GRIK4: variants seen among roughly 807,000 people sequenced by gnomAD.
GRIK4 encodes the protein glutamate receptor ionotropic, kainate 4.
In GRIK4, 40 loss-of-function variants were observed where a neutral mutation model predicts 104.9. The observed-to-expected ratio is 0.38, with a 90% confidence interval of 0.30 to 0.50. The LOEUF (loss-of-function observed/expected upper bound fraction) is 0.50. Among genes scored for constraint, GRIK4 ranks in the 20% least tolerant of loss-of-function variants. The pLI is 0.93. For synonymous variants in GRIK4, 485 were observed against 524.9 expected, an observed-to-expected ratio of 0.92 and a Z score of 1.04; for missense variants, 1,047 against 1,308.1, an observed-to-expected ratio of 0.80 and a Z score of 3.08.
At chr11:120,639,519 T>C (rs1949443654) in intron 1 of GRIK4, among the ~76,000 whole-genome samples, 1 of 152,222 alleles carries the variant, frequency 6.6e-6, no homozygotes, top group Non-Finnish European at 1.5e-5. Flanking sequence ...GTCTCTCCTC[T>C]TGGGGTCGGC....
intron 3 of GRIK4, among the ~76,000 whole-genome samples, chr11:120,683,279 G>C (rs571951043): frequency 1.3e-5 from 2 of 152,300 alleles, no homozygotes; most frequent in Non-Finnish European, 2.9e-5. Context: ...TTTTGAAGTT[G>C]AACTGACTAG....
At chr11:120,779,721 G>A (rs1242637005) in intron 3 of GRIK4, among the ~76,000 whole-genome samples, 1 of 152,148 alleles carries the variant, frequency 6.6e-6, no homozygotes, top group East Asian at 1.9e-4. Context: ...TAAATCATGA[G>A]GCAGGAATCT....
At chr11:120,611,920 T>C (rs1032244422) in intron 1 of GRIK4, among the ~76,000 whole-genome samples, 6 of 152,200 alleles carry the variant, frequency 3.9e-5, no homozygotes, top group African/African-American at 1.4e-4. Flanking sequence ...CTGAGTTCTT[T>C]TGTGCAGTGC....
chr11:120,602,712 T>C (rs1478308178), intron 1 of GRIK4, among the ~76,000 whole-genome samples: 5 of 152,198 alleles, frequency 3.3e-5, no homozygotes, highest in South Asian at 2.1e-4. Context: ...CTTCTTCTTA[T>C]TAGCATTTGA....
At position 120,961,048 on chromosome 11, in the gene GRIK4, G is replaced by T; in HGVS notation, c.2014G>T (p.Gly672Ter). 6.2e-7 allele frequency: 1 copy of T among 1,614,082 alleles called. No homozygotes were observed. The highest frequency in any genetic ancestry group is 1.1e-5 in the South Asian group (1 of 91,060). ...QTAIEYGTIHGGSSMTFFQNS... is the reference protein window; with the variant it reads ...QTAIEYGTIH ...CGCCATTGAATATGGCACAATTCAC[G>T]GAGGCTCCAGCATGACCTTCTTCCA... Residue 672 changes from glycine to a stop codon, truncating the protein, a stop_gained, in exon 17 of 21, where the codon GGA (glycine) becomes TGA (stop). Transcript: ENST00000527524. LOFTEE classifies it high-confidence loss of function.
intron 3 of GRIK4, among the ~76,000 whole-genome samples, chr11:120,670,866 C>G (rs1950005331): frequency 6.6e-6 from 1 of 152,152 alleles, no homozygotes; most frequent in Non-Finnish European, 1.5e-5. Flanking sequence ...GTCCCCCACC[C>G]CTCGACAGGC....
chr11:120,749,242 G>T (rs1220959126), intron 3 of GRIK4, among the ~76,000 whole-genome samples: 1 of 151,980 alleles, frequency 6.6e-6, no homozygotes, highest in Non-Finnish European at 1.5e-5. Flanking sequence ...GATCTAACTG[G>T]GAAAAGACAC....
intron 5 of GRIK4, among the ~76,000 whole-genome samples, chr11:120,817,675 G>A (rs935848355): frequency 3.3e-5 from 5 of 152,174 alleles, no homozygotes; most frequent in African/African-American, 1.2e-4. Flanking sequence ...TGCACATTGA[G>A]TATAGATCGA....
At chr11:120,712,958 G>A (rs1950764759) in intron 3 of GRIK4, among the ~76,000 whole-genome samples, 1 of 152,150 alleles carries the variant, frequency 6.6e-6, no homozygotes, top group Non-Finnish European at 1.5e-5. Context: ...CCTTTTGAAA[G>A]GAATGACAAT....
chr11:120,858,647 A>G (rs890785416), intron 8 of GRIK4, among the ~76,000 whole-genome samples: 5 of 152,112 alleles, frequency 3.3e-5, no homozygotes, highest in African/African-American at 1.2e-4. Flanking sequence ...TGAGCATGGA[A>G]CCTTGTCTTC....
At chr11:120,825,288 T>C (rs1953228688) in intron 6 of GRIK4, among the ~76,000 whole-genome samples, 1 of 152,202 alleles carries the variant, frequency 6.6e-6, no homozygotes, top group South Asian at 2.1e-4. Context: ...CATCTTCTGC[T>C]ACTTATTTTC....
intron 1 of GRIK4, among the ~76,000 whole-genome samples, chr11:120,610,064 C>T (rs1447830973): frequency 2.0e-5 from 3 of 152,166 alleles, no homozygotes; most frequent in Admixed American, 6.5e-5. Context: ...CTCCTTCCCT[C>T]CCCATCTGCC....
intron 1 of GRIK4, chr11:120,515,009 C>A (rs1947707535): frequency 2.2e-6 from 1 of 456,588 alleles, no homozygotes; most frequent in Admixed American, 2.3e-5. Flanking sequence ...CACAGGGGAC[C>A]CTGTCTCAGC....
chr11:120,725,214 C>G (rs1167426622), intron 3 of GRIK4, among the ~76,000 whole-genome samples: 1 of 152,190 alleles, frequency 6.6e-6, no homozygotes, highest in Non-Finnish European at 1.5e-5. Context: ...CAAGAGTTAG[C>G]TGGTCTCCAT....
chr11:120,628,796 C>T (rs1279352754), intron 1 of GRIK4, among the ~76,000 whole-genome samples: 1 of 152,268 alleles, frequency 6.6e-6, no homozygotes, highest in East Asian at 1.9e-4. Flanking sequence ...ATGCTCAGTT[C>T]TCTGTTTTTT....
intron 3 of GRIK4, among the ~76,000 whole-genome samples, chr11:120,690,348 T>C (rs1404279965): frequency 6.6e-6 from 1 of 152,242 alleles, no homozygotes; most frequent in Non-Finnish European, 1.5e-5. Context: ...TTGTGTGGGC[T>C]TGTGCTTCTA....
At chr11:120,668,291 GAA>G (rs925126055) in intron 3 of GRIK4, among the ~76,000 whole-genome samples, 4 of 122,206 alleles carry the variant, frequency 3.3e-5, no homozygotes, top group Non-Finnish European at 6.9e-5. Context: ...GAGAAAGAGA[GAA>G]AGAAAAAAGA....
intron 1 of GRIK4, among the ~76,000 whole-genome samples, chr11:120,602,044 G>C (rs1948894861): frequency 6.6e-6 from 1 of 152,072 alleles, no homozygotes; most frequent in Non-Finnish European, 1.5e-5. Flanking sequence ...GATTTTGCCA[G>C]AGTCCCTCTC....
chr11:120,762,296 C>T (rs1173817211), intron 3 of GRIK4, among the ~76,000 whole-genome samples: 2 of 151,764 alleles, frequency 1.3e-5, no homozygotes, highest in Non-Finnish European at 3.0e-5. Context: ...GATTTTGTAT[C>T]CTAAGACTTT....
Sources: allele counts gnomAD v4.1 joint callset (sites outside exome capture counted in the v4.1 genomes callset), GRCh38; gene constraint gnomAD v4.1.1; transcripts MANE v1.5; gene names NCBI Gene and HGNC (gene_info 2026-07-23, HGNC 2026-07-21).